The following LARGE1 variants were observed in gnomAD, a reference collection of about 807,000 sequenced individuals.
LARGE1 encodes xylosyl- and glucuronyltransferase LARGE1.
LARGE1 carries 43 observed loss-of-function variants against 87.6 expected under a neutral mutation model. The ratio of observed to expected loss-of-function variants is 0.49; its 90% CI spans 0.38 to 0.63. The LOEUF is 0.63. Among genes scored for constraint, LARGE1 ranks in the 30% least tolerant of loss-of-function variants. The pLI, the probability that LARGE1 is intolerant of heterozygous loss-of-function variation, is 0.00. For missense variants in LARGE1, 802 were observed against 1,000.2 expected (o/e 0.80, Z 2.67); for synonymous variants, 434 against 394.6 (o/e 1.10, Z -1.18).
At position 33,324,021 on chromosome 22, in the gene LARGE1, C is replaced by T. The variant is rs371031745; in HGVS notation, c.1288-7773G>A. Among the ~76,000 whole-genome samples the T allele has an allele frequency of 2.4e-4, 36 of 151,974 alleles. 1 individual carries two copies. The highest frequency in any genetic ancestry group is 2.3e-3 in the East Asian group (12 of 5,164). ...CTGAGGCGGGTGGATCACCTGAGGT[C>T]GGGAGTTCGAGACCAGCCTGGCCAA... is the stretch of plus-strand genomic sequence containing the variant. On this transcript the variant is annotated intron_variant, in intron 10 of 14. Transcript: ENST00000397394.
intron 10 of LARGE1, among the ~76,000 whole-genome samples, chr22:33,335,326 T>C (rs370435578): frequency 3.9e-5 from 6 of 152,174 alleles, no homozygotes; most frequent in South Asian, 2.1e-4. Context: ...TATCACTAGA[T>C]GCGAAGGAGG....
At position 33,384,284 on chromosome 22, in the gene LARGE1, C is replaced by T; in HGVS notation, c.913G>A (p.Asp305Asn). 6.2e-7 allele frequency: 1 copy of T among 1,613,762 alleles called. No individual in the cohort carries two copies. The highest frequency in any genetic ancestry group is 8.5e-7 in the Non-Finnish European group (1 of 1,179,884). Residue 305 changes from aspartate (D) to asparagine (N), a missense_variant, in exon 8 of 15, where the codon GAT (aspartate) becomes AAT (asparagine). Transcript: ENST00000397394. Reference protein sequence around the residue: ...YNTGVILLLLDKLRKMKWEQM... With the variant: ...YNTGVILLLLNKLRKMKWEQM... ...TCCCATTTCATCTTCCGCAGCTTATCCAGAAGTAACAGGATCACCCCTGGG... is the reference window on the plus strand; with the variant it reads ...TCCCATTTCATCTTCCGCAGCTTATTCAGAAGTAACAGGATCACCCCTGGG...
At chr22:33,329,683 A>C (rs1937520617) in intron 10 of LARGE1, among the ~76,000 whole-genome samples, 1 of 152,212 alleles carries the variant, frequency 6.6e-6, no homozygotes, top group Admixed American at 6.5e-5. Context: ...AACTTAGTTT[A>C]ATACTAAACT....
rs60375534 is a variant in LARGE1, at chr22:33,198,676, C to CACACACACACACATAT, written c.1731-31845_1731-31844insATATGTGTGTGTGTGT. ...ACACACACACACACACACACACACA[C>CACACACACACACATAT]GTATCTAAAATACTATACTACATGG... On this transcript the variant is annotated intron_variant, in intron 11 of 11. Coordinates refer to the LARGE1 transcript ENST00000608642. 3.7e-4 allele frequency among the ~76,000 whole-genome samples: 55 copies of CACACACACACACATAT among 148,568 alleles called. 1 individual carries two copies. Among genetic ancestry groups the CACACACACACACATAT allele is most frequent in the Admixed American group, 5.4e-4 (8 of 14,928 alleles).
chr22:33,597,761 C>A (rs1039843221), intron 5 of LARGE1, among the ~76,000 whole-genome samples: 1 of 152,162 alleles, frequency 6.6e-6, no homozygotes, highest in Non-Finnish European at 1.5e-5. Context: ...CTCGGGATCA[C>A]GCGCACCCCA....
the LARGE1 span, among the ~76,000 whole-genome samples, chr22:33,099,853 C>T: frequency 3.3e-5 from 5 of 152,316 alleles, no homozygotes; most frequent in East Asian, 1.9e-4. Context: ...CTTCCTATGA[C>T]GCTCTGGCCC....
At chr22:33,479,095 G>T (rs1248065521) in intron 6 of LARGE1, among the ~76,000 whole-genome samples, 1 of 152,144 alleles carries the variant, frequency 6.6e-6, no homozygotes, top group Non-Finnish European at 1.5e-5. Flanking sequence ...CTTTCCTCCT[G>T]CAAGCAGGTG....
intron 6 of LARGE1, among the ~76,000 whole-genome samples, chr22:33,447,052 A>C (rs931274678): frequency 6.6e-6 from 1 of 152,116 alleles, no homozygotes; most frequent in Admixed American, 6.6e-5. Context: ...CCACACTGCA[A>C]TCAGCTAATT....
chr22:33,085,201 G>A, the LARGE1 span, among the ~76,000 whole-genome samples: 59 of 152,316 alleles, frequency 3.9e-4, no homozygotes, highest in South Asian at 1.7e-3. Flanking sequence ...ACTTGAACCC[G>A]GGAAGCGAAG....
chr22:33,859,952 C>T (rs2063864712), intron 1 of LARGE1, among the ~76,000 whole-genome samples: 1 of 152,032 alleles, frequency 6.6e-6, no homozygotes, highest in Non-Finnish European at 1.5e-5. Flanking sequence ...TGCTGCTTGC[C>T]AGGGGCTGGG....
At chr22:33,803,958 T>C (rs539456990) in intron 1 of LARGE1, among the ~76,000 whole-genome samples, 4 of 152,324 alleles carry the variant, frequency 2.6e-5, no homozygotes, top group African/African-American at 9.6e-5. Context: ...AGTCCCCAGA[T>C]GCCAGCCAAA....
chr22:33,354,371 C>G lies in LARGE1; in HGVS notation c.1132-16570G>C, dbSNP rs139148317. Reference sequence around the variant, plus strand: ...ACTTGCAAATAAAAAAAATTACAGTCTTCACTTAAGGTTGATAAGTTCTTG... The same window carrying G: ...ACTTGCAAATAAAAAAAATTACAGTGTTCACTTAAGGTTGATAAGTTCTTG... On this transcript the variant is annotated intron_variant, in intron 9 of 14. Coordinates refer to ENST00000397394, the MANE Select transcript of LARGE1 (RefSeq NM_133642.5). 1.1e-4 allele frequency among the ~76,000 whole-genome samples: 16 copies of G among 152,252 alleles called. No homozygotes were observed. In the East Asian group the frequency reaches 2.7e-3, roughly 26 times the overall value.
chr22:33,907,674 T>G (rs891970467), intron 1 of LARGE1, among the ~76,000 whole-genome samples: 2 of 152,070 alleles, frequency 1.3e-5, no homozygotes, highest in Admixed American at 1.3e-4. Flanking sequence ...TTCACACCAT[T>G]CTCCTGCCTC....
At chr22:33,730,301 T>A (rs552695093) in intron 2 of LARGE1, among the ~76,000 whole-genome samples, 1 of 152,320 alleles carries the variant, frequency 6.6e-6, no homozygotes. Context: ...ATATAATATA[T>A]AACATACATA....
At chr22:33,590,708 G>A (rs1011278411) in intron 5 of LARGE1, among the ~76,000 whole-genome samples, 3 of 152,096 alleles carry the variant, frequency 2.0e-5, no homozygotes, top group Non-Finnish European at 4.4e-5. Context: ...TGTATGTGCC[G>A]TCAGTTCATT....
At chr22:33,907,900 G>A (rs1363203256) in intron 1 of LARGE1, among the ~76,000 whole-genome samples, 1 of 152,148 alleles carries the variant, frequency 6.6e-6, no homozygotes, top group Non-Finnish European at 1.5e-5. Context: ...CCCGGCCTGT[G>A]TGAAGACATT....
chr22:33,277,041 G>A lies in LARGE1; in HGVS notation c.2073+19C>T, dbSNP rs2145830231. 1 of 1,612,746 alleles carries A rather than the reference G, an allele frequency of 6.2e-7. No individual in the cohort carries two copies. Among genetic ancestry groups the A allele is most frequent in the African/African-American group, 1.3e-5 (1 of 75,012 alleles). ...TCTCCCCCGTCGACCATACCAGGTGGATGCTCCGTTCTTCTCACCTGCACA... is the reference window on the plus strand; with the variant it reads ...TCTCCCCCGTCGACCATACCAGGTGAATGCTCCGTTCTTCTCACCTGCACA... On this transcript the variant is annotated intron_variant, in intron 14 of 14. Transcript: ENST00000397394.
intron 6 of LARGE1, among the ~76,000 whole-genome samples, chr22:33,536,103 C>T (rs760073654): frequency 6.6e-6 from 1 of 152,164 alleles, no homozygotes; most frequent in African/African-American, 2.4e-5. Flanking sequence ...TACAATACGG[C>T]ACTCTGAACA....
At chr22:33,785,057 GTA>G (rs1000665845) in intron 1 of LARGE1, among the ~76,000 whole-genome samples, 8 of 144,352 alleles carry the variant, frequency 5.5e-5, no homozygotes, top group Admixed American at 4.8e-4. Flanking sequence ...ACATACATGT[GTA>G]TATAGATATA....
Sources: allele counts gnomAD v4.1 joint callset (sites outside exome capture counted in the v4.1 genomes callset), GRCh38; gene constraint gnomAD v4.1.1; transcripts MANE v1.5; gene names NCBI Gene and HGNC (gene_info 2026-07-23, HGNC 2026-07-21).